Variants in ATP8B1 observed in about 807,000 individuals in gnomAD.
ATP8B1 encodes the protein ATPase phospholipid transporting 8B1.
ATP8B1 carries 80 observed loss-of-function variants against 149.9 expected under a neutral mutation model. The observed-to-expected ratio is 0.53, with a 90% confidence interval of 0.45 to 0.64. The LOEUF (loss-of-function observed/expected upper bound fraction) is 0.64. Among genes scored for constraint, ATP8B1 ranks in the 30% least tolerant of loss-of-function variants. The probability of loss-of-function intolerance (pLI) is 0.00; values close to 1 mark genes in which losing one functional copy is unlikely to be tolerated. For synonymous variants in ATP8B1, 536 were observed against 562.8 expected (o/e 0.95, Z 0.67); for missense variants, 1,247 against 1,552.6 (o/e 0.80, Z 3.31).
intron 12 of ATP8B1, 42 bp from the exon 13 acceptor site, chr18:57,688,549 C>G: frequency 6.3e-7 from 1 of 1,588,342 alleles, no homozygotes; most frequent in Non-Finnish European, 8.6e-7. Flanking sequence ...AGCTCGGATA[C>G]GAGTGGCAAG....
intron 15 of ATP8B1, among the ~76,000 whole-genome samples, chr18:57,681,290 A>G (rs1911956084): frequency 1.3e-5 from 2 of 152,288 alleles, no homozygotes; most frequent in South Asian, 4.1e-4. Context: ...CTTCAGTTCT[A>G]CAACCACAGA....
intron 1 of ATP8B1, among the ~76,000 whole-genome samples, chr18:57,773,348 G>A (rs1163335258): frequency 2.0e-5 from 3 of 152,124 alleles, no homozygotes; most frequent in African/African-American, 4.8e-5. Context: ...GGCTAATAAG[G>A]TGGTGCAGAC....
At chr18:57,690,311 C>T (rs1455288969) in intron 12 of ATP8B1, among the ~76,000 whole-genome samples, 16 of 152,102 alleles carry the variant, frequency 1.1e-4, no homozygotes, top group Admixed American at 6.6e-4. Context: ...GCAGAAGGTA[C>T]GGGCGGAGTG....
At chr18:57,773,136 AGG>A (rs2080277324) in intron 1 of ATP8B1, among the ~76,000 whole-genome samples, 1 of 149,644 alleles carries the variant, frequency 6.7e-6, no homozygotes, top group Non-Finnish European at 1.5e-5. Flanking sequence ...CAGGAGGCAG[AGG>A]ACGCAGTGAG....
At chr18:57,741,203 TG>T (rs1416574357) in intron 1 of ATP8B1, among the ~76,000 whole-genome samples, 3 of 152,210 alleles carry the variant, frequency 2.0e-5, no homozygotes, top group Non-Finnish European at 4.4e-5. Flanking sequence ...CCCCAAGTGC[TG>T]GGATTACAGG....
intron 24 of ATP8B1, among the ~76,000 whole-genome samples, chr18:57,653,373 CT>C (rs1320004224): frequency 3.3e-5 from 5 of 150,804 alleles, no homozygotes; most frequent in African/African-American, 1.2e-4. Flanking sequence ...CAGCTTCAAC[CT>C]TCCAGGCTCA....
chr18:57,745,259 G>A (rs772123685), intron 1 of ATP8B1, among the ~76,000 whole-genome samples: 1 of 152,002 alleles, frequency 6.6e-6, no homozygotes, highest in African/African-American at 2.4e-5. Context: ...TCAATGAAAG[G>A]ACTCTTACTG....
chr18:57,666,542 T>C (rs1039942064), intron 20 of ATP8B1, among the ~76,000 whole-genome samples: 2 of 152,032 alleles, frequency 1.3e-5, no homozygotes, highest in Non-Finnish European at 2.9e-5. Flanking sequence ...AGTTTTTTTT[T>C]TTTTTTTAAT....
At chr18:57,682,890 G>A (rs1055673723) in intron 15 of ATP8B1, among the ~76,000 whole-genome samples, 3 of 152,062 alleles carry the variant, frequency 2.0e-5, no homozygotes, top group African/African-American at 7.2e-5. Flanking sequence ...CGAAGCTGGA[G>A]GGTAATGGTG....
intron 26 of ATP8B1, among the ~76,000 whole-genome samples, chr18:57,651,126 A>T (rs1023158567): frequency 1.3e-5 from 2 of 152,090 alleles, no homozygotes; most frequent in Non-Finnish European, 2.9e-5. Flanking sequence ...CTTTTTTTTG[A>T]GATAGGGTCT....
intron 2 of ATP8B1, among the ~76,000 whole-genome samples, chr18:57,717,961 G>C (rs1288292756): frequency 6.6e-6 from 1 of 151,888 alleles, no homozygotes; most frequent in Non-Finnish European, 1.5e-5. Context: ...GGCCAGGCTG[G>C]TCTCAAACTC....
At chr18:57,715,256 G>A (rs910268639) in intron 2 of ATP8B1, among the ~76,000 whole-genome samples, 28 of 152,074 alleles carry the variant, frequency 1.8e-4, no homozygotes, top group Non-Finnish European at 3.7e-4. Flanking sequence ...TTAATACCAG[G>A]ATTGAATAAG....
intron 2 of ATP8B1, among the ~76,000 whole-genome samples, chr18:57,710,556 CAA>C (rs1049806921): frequency 8.6e-5 from 13 of 151,630 alleles, no homozygotes; most frequent in African/African-American, 3.1e-4. Context: ...ACAAGGAAAA[CAA>C]GTAGATAAAA....
chr18:57,785,224 C>T (rs958185593), intron 1 of ATP8B1, among the ~76,000 whole-genome samples: 3 of 152,194 alleles, frequency 2.0e-5, no homozygotes, highest in African/African-American at 4.8e-5. Context: ...ACAACATAAA[C>T]CCAAAATAGA....
Position 57,782,803 on chromosome 18 carries a change from C to CTTTTTTTTTTTTTTTTTT in ATP8B1, c.-26+20177_-26+20194dup, listed in dbSNP as rs79009229. ...GGCTCAGATTAATTCTAGTTTGTCTCTTTTTTTTTTTTTTTTTTTTTTTTT... is the reference window on the plus strand; with the variant it reads ...GGCTCAGATTAATTCTAGTTTGTCTCTTTTTTTTTTTTTTTTTTTTTTTTTTTTTTTTTTTTTTTTTTT... On this transcript the variant is annotated intron_variant, in intron 1 of 27. Transcript: ENST00000648908. 2.3e-4 allele frequency among the ~76,000 whole-genome samples: 21 copies of CTTTTTTTTTTTTTTTTTT among 91,176 alleles called. 3 individuals carry two copies. Among genetic ancestry groups the CTTTTTTTTTTTTTTTTTT allele is most frequent in the East Asian group, 6.2e-4 (1 of 1,604 alleles). The allele number at this position is 91,176 out of a possible 152,430, so 59.8% of individuals were successfully genotyped here.
At chr18:57,662,978 A>T (rs969474008) in intron 20 of ATP8B1, among the ~76,000 whole-genome samples, 2 of 152,102 alleles carry the variant, frequency 1.3e-5, no homozygotes, top group Non-Finnish European at 2.9e-5. Context: ...GACCATTTTT[A>T]AGTGTACAAC....
In ATP8B1 at chr18:57,737,526, T is replaced by A. The variant is rs891594055; in HGVS notation, c.-25-5694A>T. On this transcript the variant is annotated intron_variant, in intron 1 of 27. Coordinates refer to ENST00000648908, the MANE Select transcript of ATP8B1 (RefSeq NM_001374385.1). ...CCCCAGCCTCCCTAGTAACTAGGACTAGAAGCATGAGCCACCATGCCTGGC... is the reference window on the plus strand; with the variant it reads ...CCCCAGCCTCCCTAGTAACTAGGACAAGAAGCATGAGCCACCATGCCTGGC... Among the ~76,000 whole-genome samples the A allele has an allele frequency of 4.3e-4, 65 of 151,582 alleles. 1 individual carries two copies. The highest frequency in any genetic ancestry group is 2.6e-4 in the Non-Finnish European group (18 of 67,948).
Position 57,695,181 on chromosome 18 carries a change from G to GA in ATP8B1, c.929dup (p.Ile311HisfsTer6). 3 of 1,613,670 alleles carry GA rather than the reference G, an allele frequency of 1.9e-6. No homozygotes were observed. Among genetic ancestry groups the GA allele is most frequent in the Non-Finnish European group, 2.5e-6 (3 of 1,179,840 alleles). ...AAACTCTGAACGTACCTGCAAAAAT[G>GA]ACTAAGCCGTGGCAGAAATCGGTGT... is the stretch of plus-strand genomic sequence containing the variant. On this transcript the variant is annotated frameshift_variant, in exon 10 of 28. Coordinates refer to ENST00000648908, the MANE Select transcript of ATP8B1 (RefSeq NM_001374385.1). LOFTEE classifies it high-confidence loss of function.
intron 1 of ATP8B1, among the ~76,000 whole-genome samples, chr18:57,791,346 C>CTTT (rs1473257768): frequency 0.025 from 3,057 of 123,862 alleles, 219 homozygotes; most frequent in African/African-American, 0.1. Flanking sequence ...TTTTTCTTTT[C>CTTT]TTTTCTTTTT....
Sources: gnomAD v4.1 joint callset for allele counts (sites outside exome capture counted in the v4.1 genomes callset) on GRCh38, gnomAD v4.1.1 for gene constraint, MANE v1.5 for transcripts, NCBI Gene and HGNC (gene_info 2026-07-23, HGNC 2026-07-21) for gene names.